The following KMT2C variants were observed in gnomAD, a reference collection of about 807,000 sequenced individuals.
The protein encoded by KMT2C is lysine methyltransferase 2C.
Under a neutral mutation model 507.9 loss-of-function variants are expected in KMT2C, and 88 were observed. The ratio of observed to expected loss-of-function variants is 0.17; its 90% confidence interval spans 0.15 to 0.21. The LOEUF (loss-of-function observed/expected upper bound fraction) is 0.21. Among genes scored for constraint, KMT2C ranks in the 10% least tolerant of loss-of-function variants. KMT2C has a pLI of 1.00. For missense variants in KMT2C, 4,954 were observed against 5,957.8 expected, an observed-to-expected ratio of 0.83 and a Z score of 5.55; for synonymous variants, 2,049 against 2,080.8, an observed-to-expected ratio of 0.98 and a Z score of 0.42.
At chr7:152,176,117 A>C in intron 38 of KMT2C, 74 bp downstream of exon 38, 1 of 1,324,280 alleles carries the variant, frequency 7.6e-7, no homozygotes, top group Non-Finnish European at 1.0e-6. Flanking sequence ...TTCTAATAAT[A>C]AAATCTTATA....
Position 152,174,128 on chromosome 7 carries a change from T to G in KMT2C, c.9374+3A>C. ...AGTAGAAACAAGCAGCCACTCCACC[T>G]ACCTGCTCATCACCATTGGTGGCAT... On this transcript the variant is annotated splice_donor_region_variant and intron_variant, in intron 39 of 58. Coordinates refer to ENST00000262189, the MANE Select transcript of KMT2C (RefSeq NM_170606.3). The G allele has an allele frequency of 6.5e-7, 1 of 1,545,006 alleles. No individual in the cohort carries two copies. Among genetic ancestry groups the G allele is most frequent in the Middle Eastern group, 1.7e-4 (1 of 5,912 alleles).
chr7:152,353,791 G>A (rs116089370), intron 2 of KMT2C, among the ~76,000 whole-genome samples: 5,678 of 152,180 alleles, frequency 0.037, 209 homozygotes, highest in African/African-American at 0.092. Flanking sequence ...GAGCCACCAC[G>A]CCCAGCGTAA....
At chr7:152,178,257 A>G (rs1183210775) in intron 37 of KMT2C, among the ~76,000 whole-genome samples, 2 of 152,196 alleles carry the variant, frequency 1.3e-5, no homozygotes, top group Non-Finnish European at 2.9e-5. Flanking sequence ...GATTTAACAG[A>G]TAACAAAAAT....
At chr7:152,432,868 G>A (rs1419055878) in intron 1 of KMT2C, among the ~76,000 whole-genome samples, 3 of 151,844 alleles carry the variant, frequency 2.0e-5, no homozygotes, top group Non-Finnish European at 4.4e-5. Context: ...TCTTCTCAGC[G>A]GGGTGCGGTG....
In KMT2C at chr7:152,194,553, G is replaced by C. The variant is rs2129129745; in HGVS notation, c.4394C>G (p.Thr1465Ser). 6.2e-7 allele frequency: 1 copy of C among 1,612,730 alleles called. No individual in the cohort carries two copies. The highest frequency in any genetic ancestry group is 8.5e-7 in the Non-Finnish European group (1 of 1,178,990). Residue 1465 changes from threonine to serine, a missense_variant, in exon 29 of 59, where the codon ACT becomes AGT. By Grantham distance (58) the Thr-to-Ser change is moderately conservative. Around this residue, in one of 29 missense-constraint regions of KMT2C, gnomAD observed 140 missense variants for 118.4 expected, o/e 1.18. Coordinates refer to ENST00000262189, the MANE Select transcript of KMT2C (RefSeq NM_170606.3). ...CTGAGGCAAAGAGGAAGGATCATCA[G>C]TGACAGGACCAATATCTACAAGAGT... Reference protein sequence around the residue: ...SVDHSDIGPVTDDPSSLPQPN... With the variant: ...SVDHSDIGPVSDDPSSLPQPN...
chr7:152,361,850 G>T (rs186249783), intron 1 of KMT2C, among the ~76,000 whole-genome samples: 2 of 152,194 alleles, frequency 1.3e-5, no homozygotes, highest in Non-Finnish European at 2.9e-5. Context: ...AGAGAAATTG[G>T]TAACTAATCA....
rs952132535 is a variant in KMT2C, at chr7:152,177,226, G to A, written c.8227C>T (p.Pro2743Ser). 1 of 1,613,740 alleles carries A rather than the reference G, an allele frequency of 6.2e-7. No homozygotes were observed. The highest frequency in any genetic ancestry group is 1.1e-5 in the South Asian group (1 of 91,052). ...GACCTTAAGAGGTCATCCAGGTTGG[G>A]ATCATTAGTTTCCAAATTATCTAAA... Reference protein sequence around the residue: ...DTLDNLETNDPNLDDLLRSGE... With the variant: ...DTLDNLETNDSNLDDLLRSGE... Residue 2743 changes from proline (P) to serine (S), a missense_variant, in exon 38 of 59, where the codon CCC becomes TCC. Physicochemically the swap from Pro to Ser is moderately conservative, Grantham distance 74. Coordinates refer to ENST00000262189, the MANE Select transcript of KMT2C (RefSeq NM_170606.3).
chr7:152,299,749 C>G (rs1037312151), intron 6 of KMT2C, among the ~76,000 whole-genome samples: 1 of 151,302 alleles, frequency 6.6e-6, no homozygotes, highest in Non-Finnish European at 1.5e-5. Flanking sequence ...GTCTAAATAC[C>G]CCCAATTAAA....
At chr7:152,229,109 A>G (rs1157859929) in intron 18 of KMT2C, among the ~76,000 whole-genome samples, 2 of 152,202 alleles carry the variant, frequency 1.3e-5, no homozygotes, top group African/African-American at 4.8e-5. Flanking sequence ...GGAGAAAGGT[A>G]TAAAAATCAC....
intron 6 of KMT2C, among the ~76,000 whole-genome samples, chr7:152,302,000 C>T (rs1361407037): frequency 2.0e-5 from 3 of 152,040 alleles, no homozygotes; most frequent in Admixed American, 6.6e-5. Flanking sequence ...TGAATTGCCA[C>T]CTTACTATAG....
chr7:152,180,977 C>A lies in KMT2C; in HGVS notation c.6883G>T (p.Ala2295Ser), dbSNP rs2093416388. Reference protein sequence around the residue: ...DTFSRVSPSAARDPYDQSPMT... With the variant: ...DTFSRVSPSASRDPYDQSPMT... ...GGAGACTGATCATAGGGATCACGGGCAGCAGATGGGGAAACACGGCTAAAT... is the reference window on the plus strand; with the variant it reads ...GGAGACTGATCATAGGGATCACGGGAAGCAGATGGGGAAACACGGCTAAAT... Residue 2295 changes from alanine to serine, a missense_variant, in exon 36 of 59, where the codon GCC becomes TCC. Physicochemically the swap from Ala to Ser is moderately conservative, Grantham distance 99. Around this residue, in one of 29 missense-constraint regions of KMT2C, gnomAD observed 1,689 missense variants for 1,654.3 expected, o/e 1.02. Transcript: ENST00000262189. 6.2e-7 allele frequency: 1 copy of A among 1,614,174 alleles called. No individual in the cohort carries two copies. The highest frequency in any genetic ancestry group is 2.2e-5 in the East Asian group (1 of 44,882).
intron 9 of KMT2C, among the ~76,000 whole-genome samples, chr7:152,255,112 T>C (rs2095627004): frequency 1.4e-5 from 1 of 69,122 alleles, no homozygotes; most frequent in Non-Finnish European, 2.3e-5. Flanking sequence ...CTCTCACTTA[T>C]ATATATATAT....
At chr7:152,368,893 C>A (rs2097269310) in intron 1 of KMT2C, among the ~76,000 whole-genome samples, 1 of 151,890 alleles carries the variant, frequency 6.6e-6, no homozygotes, top group East Asian at 1.9e-4. Context: ...CCTACATTTT[C>A]TTTTTCTTTT....
At chr7:152,194,318 A>T (rs2093900261) in intron 29 of KMT2C, 57 bp from the exon 30 acceptor site, 1 of 1,336,434 alleles carries the variant, frequency 7.5e-7, no homozygotes, top group South Asian at 1.3e-5. Flanking sequence ...CAATATACTG[A>T]TATAAAATAG....
chr7:152,223,543 T>A (rs2094838828), intron 20 of KMT2C, among the ~76,000 whole-genome samples: 1 of 152,042 alleles, frequency 6.6e-6, no homozygotes, highest in South Asian at 2.1e-4. Flanking sequence ...CCTATAATCA[T>A]AAAACTTTAG....
At chr7:152,171,495 T>C (rs1009320889) in intron 39 of KMT2C, among the ~76,000 whole-genome samples, 153 bp from the exon 40 acceptor site, 2 of 152,272 alleles carry the variant, frequency 1.3e-5, no homozygotes, top group Non-Finnish European at 2.9e-5. Flanking sequence ...CTACCTTTCA[T>C]GTACTGGGCA....
chr7:152,383,639 T>C (rs1056837043), intron 1 of KMT2C, among the ~76,000 whole-genome samples: 2 of 152,182 alleles, frequency 1.3e-5, no homozygotes, highest in African/African-American at 4.8e-5. Flanking sequence ...AAATAGAATG[T>C]TATGAGCATG....
chr7:152,196,136 TAATTTTA>T, intron 27 of KMT2C, 125 bp from the exon 28 acceptor site: 1 of 455,530 alleles, frequency 2.2e-6, no homozygotes, highest in Non-Finnish European at 3.9e-6. Flanking sequence ...CTGAGACTCT[TAATTTTA>T]CAGTAAAAAT....
intron 6 of KMT2C, among the ~76,000 whole-genome samples, chr7:152,296,997 A>AAGAAAGAAAGAAAG (rs1235502213): frequency 8.5e-5 from 5 of 58,946 alleles, no homozygotes; most frequent in Non-Finnish European, 1.1e-4. Context: ...GAAAGAAAGA[A>AAGAAAGAAAGAAAG]AAAGAAAGAA....
Sources: gnomAD v4.1 joint callset for allele counts (sites outside exome capture counted in the v4.1 genomes callset) on GRCh38, gnomAD v4.1.1 for gene constraint, gnomAD v4.1.1 regional missense constraint, MANE v1.5 for transcripts, NCBI Gene and HGNC (gene_info 2026-07-23, HGNC 2026-07-21) for gene names.